TENM1: variants seen among roughly 807,000 people sequenced by gnomAD.
The protein encoded by TENM1 is teneurin-1.
A neutral mutation model predicts 174.8 loss-of-function variants in TENM1; 35 were observed. That is an observed-to-expected ratio of 0.20 (90% CI 0.15 to 0.27). TENM1 has a LOEUF of 0.27. Ranked by LOEUF, TENM1 falls within the 10% of genes least tolerant of loss-of-function variation. The pLI is 1.00. For synonymous variants in TENM1, 781 were observed against 798.7 expected, an observed-to-expected ratio of 0.98 and a Z score of 0.37; for missense variants, 1,633 against 2,130.1, an observed-to-expected ratio of 0.77 and a Z score of 4.59.
At chrX:124,618,535 G>A (rs1433616326) in intron 11 of TENM1, among the ~76,000 whole-genome samples, 1 of 110,760 alleles carries the variant, frequency 9.0e-6, no homozygotes, top group Admixed American at 9.6e-5. Context: ...TATATTTTCA[G>A]CACATTTTTT....
intron 3 of TENM1, among the ~76,000 whole-genome samples, chrX:124,741,229 G>A (rs137922959): frequency 7.0e-4 from 78 of 111,618 alleles, no homozygotes; most frequent in African/African-American, 2.4e-3. Context: ...AACGTGTCAC[G>A]CATAGTTTTT....
the TENM1 span, among the ~76,000 whole-genome samples, chrX:125,036,068 C>A: frequency 6.7e-3 from 747 of 111,617 alleles, 2 homozygotes; most frequent in African/African-American, 0.023. Flanking sequence ...CTCTCACTAA[C>A]AAAAACTGCA....
the TENM1 span, among the ~76,000 whole-genome samples, chrX:125,027,611 C>CTTTTTTTTTTTTTT: frequency 1.7e-4 from 14 of 83,083 alleles, no homozygotes; most frequent in Non-Finnish European, 2.6e-4. Flanking sequence ...TTTTCTTTTT[C>CTTTTTTTTTTTTTT]TTTTTTTTTT....
chrX:124,695,652 A>G (rs1355846567), intron 5 of TENM1, among the ~76,000 whole-genome samples: 2 of 111,705 alleles, frequency 1.8e-5, no homozygotes, highest in Non-Finnish European at 3.8e-5. Flanking sequence ...AAAAAGAACT[A>G]TATTCTTTAA....
chrX:124,477,089 C>T (rs767669918), intron 22 of TENM1, among the ~76,000 whole-genome samples: 56 of 112,272 alleles, frequency 5.0e-4, no homozygotes, highest in Non-Finnish European at 9.4e-4. Flanking sequence ...TTTGGGGACG[C>T]TTCCATTTTT....
At chrX:124,463,754 G>A (rs1326284247) in intron 22 of TENM1, among the ~76,000 whole-genome samples, 1 of 110,422 alleles carries the variant, frequency 9.1e-6, no homozygotes, top group Non-Finnish European at 1.9e-5. Flanking sequence ...TGGCCAAGGT[G>A]GTGGTAATGT....
intron 22 of TENM1, among the ~76,000 whole-genome samples, chrX:124,456,618 C>CTAATAACAATA (rs1182769174): frequency 6.3e-5 from 7 of 111,447 alleles, no homozygotes; most frequent in Non-Finnish European, 9.4e-5. Context: ...TGTTATAACC[C>CTAATAACAATA]AGGGATAGTG....
the TENM1 span, among the ~76,000 whole-genome samples, chrX:125,047,489 G>C: frequency 9.0e-6 from 1 of 111,160 alleles, no homozygotes; most frequent in Non-Finnish European, 1.9e-5. Context: ...CAAATATCTG[G>C]CCAGGTTAAG....
intron 20 of TENM1, among the ~76,000 whole-genome samples, chrX:124,488,606 ATTTG>A (rs1156590389): frequency 1.1e-4 from 12 of 111,852 alleles, no homozygotes; most frequent in Non-Finnish European, 1.9e-4. Context: ...GCCTCTTTCA[ATTTG>A]TTTGTCTCTA....
chrX:124,551,218 G>C (rs751328963), intron 14 of TENM1, among the ~76,000 whole-genome samples: 1 of 111,803 alleles, frequency 8.9e-6, no homozygotes, highest in Non-Finnish European at 1.9e-5. Flanking sequence ...CACTCAGGGT[G>C]GTATAGCCAT....
At chrX:124,452,853 C>CCGGAG (rs754734836) in intron 23 of TENM1, among the ~76,000 whole-genome samples, 1 of 74,630 alleles carries the variant, frequency 1.3e-5, no homozygotes, top group Non-Finnish European at 2.5e-5. Context: ...ACATCACTCA[C>CCGGAG]CCTGTTGTGG....
chrX:124,530,694 A>G (rs1370619778), intron 15 of TENM1, among the ~76,000 whole-genome samples: 3 of 112,281 alleles, frequency 2.7e-5, no homozygotes, highest in Non-Finnish European at 5.6e-5. Context: ...AAAGTCTGCA[A>G]AAGAGACATG....
intron 6 of TENM1, among the ~76,000 whole-genome samples, chrX:124,657,038 A>T (rs983204598): frequency 6.3e-5 from 7 of 111,595 alleles, no homozygotes; most frequent in African/African-American, 2.3e-4. Flanking sequence ...ACTGACTCTG[A>T]TCCTTTGTTT....
At chrX:124,578,483 G>A (rs1198814946) in intron 11 of TENM1, among the ~76,000 whole-genome samples, 3 of 111,581 alleles carry the variant, frequency 2.7e-5, no homozygotes, top group African/African-American at 9.8e-5. Flanking sequence ...ATGGGACCCT[G>A]AGCATCTCAC....
At chrX:124,667,074 G>C (rs754323872) in intron 6 of TENM1, among the ~76,000 whole-genome samples, 5 of 111,726 alleles carry the variant, frequency 4.5e-5, no homozygotes, top group African/African-American at 6.5e-5. Context: ...CTTTCTATGT[G>C]ATCTCAACTT....
the TENM1 span, among the ~76,000 whole-genome samples, chrX:124,994,034 C>T: frequency 3.6e-5 from 4 of 110,153 alleles, no homozygotes; most frequent in Admixed American, 2.9e-4. Context: ...ATTTGCTTTA[C>T]TCAGCTTTTC....
chrX:124,567,215 A>G (rs2262253), intron 11 of TENM1, among the ~76,000 whole-genome samples: 34,363 of 110,505 alleles, frequency 0.31, 4,309 homozygotes, highest in African/African-American at 0.47. Context: ...ACAGGCCAGG[A>G]CTGGAGATAT....
chrX:125,009,315 C>A, the TENM1 span, among the ~76,000 whole-genome samples: 13 of 111,232 alleles, frequency 1.2e-4, no homozygotes, highest in African/African-American at 3.3e-4. Flanking sequence ...GATACACATA[C>A]CCTCCCAAGA....
chrX:125,084,909 G>C, the TENM1 span, among the ~76,000 whole-genome samples: 3 of 111,173 alleles, frequency 2.7e-5, no homozygotes, highest in Admixed American at 1.9e-4. Flanking sequence ...GAATGTGAAT[G>C]GTCAACTTTT....
Sources: allele counts gnomAD v4.1 joint callset (sites outside exome capture counted in the v4.1 genomes callset), GRCh38; gene constraint gnomAD v4.1.1; transcripts MANE v1.5; gene names NCBI Gene and HGNC (gene_info 2026-07-23, HGNC 2026-07-21).